Variants in RSBN1L observed in about 807,000 individuals in gnomAD.
The protein encoded by RSBN1L is round spermatid basic protein 1 like, also known as lysine-specific demethylase RSBN1L.
A neutral mutation model predicts 67.7 loss-of-function variants in RSBN1L; 30 were observed. The ratio of observed to expected loss-of-function variants is 0.44; its 90% CI spans 0.33 to 0.60. RSBN1L has a LOEUF of 0.60. Among genes scored for constraint, RSBN1L ranks in the 20% least tolerant of loss-of-function variants. The pLI, the probability that RSBN1L is intolerant of heterozygous loss-of-function variation, is 0.02. For missense variants in RSBN1L, 992 were observed against 1,031.7 expected, an observed-to-expected ratio of 0.96 and a Z score of 0.53; for synonymous variants, 433 against 387.0, an observed-to-expected ratio of 1.12 and a Z score of -1.39.
chr7:77,735,572 A>G (rs900504001), intron 1 of RSBN1L, among the ~76,000 whole-genome samples: 2 of 152,188 alleles, frequency 1.3e-5, no homozygotes, highest in African/African-American at 4.8e-5. Flanking sequence ...ATTATGCAGT[A>G]TGCATGTATA....
chr7:77,744,481 C>CT (rs985267642), intron 2 of RSBN1L, among the ~76,000 whole-genome samples: 5 of 151,606 alleles, frequency 3.3e-5, no homozygotes, highest in African/African-American at 4.8e-5. Flanking sequence ...TAGAGATAGA[C>CT]TTTTTTTTTG....
At chr7:77,757,280 C>T (rs11560365) in intron 3 of RSBN1L, among the ~76,000 whole-genome samples, 7,414 of 152,200 alleles carry the variant, frequency 0.049, 266 homozygotes, top group South Asian at 0.16. Flanking sequence ...CTTTTGTCTT[C>T]GGTTTTGGAA....
At chr7:77,752,717 G>GAAC (rs1791569969) in intron 3 of RSBN1L, among the ~76,000 whole-genome samples, 1 of 152,064 alleles carries the variant, frequency 6.6e-6, no homozygotes, top group Non-Finnish European at 1.5e-5. Flanking sequence ...TCTTCACAGG[G>GAAC]AACACACCCA....
intron 1 of RSBN1L, among the ~76,000 whole-genome samples, chr7:77,729,174 G>C (rs1791244134): frequency 6.6e-6 from 1 of 151,988 alleles, no homozygotes; most frequent in Admixed American, 6.6e-5. Context: ...TTTTATGTGT[G>C]GAATTCTTTT....
chr7:77,704,407 C>CT (rs1790861413), intron 1 of RSBN1L, among the ~76,000 whole-genome samples: 1 of 152,074 alleles, frequency 6.6e-6, no homozygotes, highest in African/African-American at 2.4e-5. Flanking sequence ...ATACATTAAA[C>CT]TTTATGTTGT....
chr7:77,779,248 GA>G lies in RSBN1L; in HGVS notation c.*81del. On this transcript the variant is annotated 3_prime_UTR_variant, in exon 8 of 8. Transcript: ENST00000334955. ...TCATGAATTCTGAAAGCAAGCCAAG[GA>G]CTTGCTCCTATGTCTGTTACAAAAC... The G allele has an allele frequency of 2.0e-5, 20 of 983,248 alleles. No homozygotes were observed. The highest frequency in any genetic ancestry group is 3.0e-5 in the Non-Finnish European group (20 of 670,594). 60.9% of individuals were successfully genotyped at this position (983,248 alleles called of 1,614,324 possible).
intron 4 of RSBN1L, among the ~76,000 whole-genome samples, chr7:77,767,076 C>T (rs1791777708): frequency 7.8e-6 from 1 of 127,624 alleles, no homozygotes; most frequent in Non-Finnish European, 1.6e-5. Context: ...CCCTTCCCTT[C>T]CCCTTCCCCT....
At chr7:77,717,021 C>T (rs575055951) in intron 1 of RSBN1L, among the ~76,000 whole-genome samples, 12 of 150,634 alleles carry the variant, frequency 8.0e-5, no homozygotes, top group East Asian at 2.0e-4. Flanking sequence ...AGTGCAGTGG[C>T]GTAATCATAG....
At chr7:77,733,270 G>T (rs1791293758) in intron 1 of RSBN1L, among the ~76,000 whole-genome samples, 1 of 152,212 alleles carries the variant, frequency 6.6e-6, no homozygotes, top group Admixed American at 6.5e-5. Context: ...GTTAAGGACA[G>T]AAGTGATGTC....
At chr7:77,706,914 A>G (rs114294014) in intron 1 of RSBN1L, among the ~76,000 whole-genome samples, 25 of 152,276 alleles carry the variant, frequency 1.6e-4, no homozygotes, top group African/African-American at 6.0e-4. Flanking sequence ...TAGCAAATAT[A>G]TATTAATGAT....
rs368604072 is a variant in RSBN1L, at chr7:77,750,037, A to G, written c.1317A>G (p.Thr439=). 6.2e-7 allele frequency: 1 copy of G among 1,604,930 alleles called. No individual in the cohort carries two copies. The highest frequency in any genetic ancestry group is 8.5e-7 in the Non-Finnish European group (1 of 1,176,778). ...TATTGGGAAAGAAAGATATAGAGAC[A>G]ACGACTATGTCCAATTTTCATGCTC... ...MEILGKKDIE[T]TTMSNFHAQV... is the part of the protein sequence containing the mutation. Residue 439 remains threonine (T), a synonymous_variant, in exon 3 of 8, where the codon ACA becomes ACG. Coordinates refer to ENST00000334955, the MANE Select transcript of RSBN1L (RefSeq NM_198467.3).
intron 1 of RSBN1L, among the ~76,000 whole-genome samples, chr7:77,726,429 A>T (rs1209880756): frequency 6.6e-6 from 1 of 152,098 alleles, no homozygotes; most frequent in African/African-American, 2.4e-5. Flanking sequence ...ACGTCTCCCA[A>T]CTGGGATTTG....
At chr7:77,755,864 G>C (rs1472933367) in intron 3 of RSBN1L, among the ~76,000 whole-genome samples, 4 of 152,120 alleles carry the variant, frequency 2.6e-5, no homozygotes, top group Non-Finnish European at 5.9e-5. Flanking sequence ...AGTTCACTAG[G>C]TTCAGTTCAG....
intron 1 of RSBN1L, among the ~76,000 whole-genome samples, chr7:77,700,974 C>T (rs1199409709): frequency 7.9e-5 from 12 of 151,970 alleles, no homozygotes; most frequent in Admixed American, 7.2e-4. Context: ...CTGGGCAACA[C>T]GGTGAAACCC....
chr7:77,764,483 C>T (rs1202166275), intron 3 of RSBN1L, among the ~76,000 whole-genome samples: 2 of 152,234 alleles, frequency 1.3e-5, no homozygotes, highest in East Asian at 3.9e-4. Flanking sequence ...ATATCATTAT[C>T]AAATTTTCTT....
At chr7:77,697,119 A>C in intron 1 of RSBN1L, 64 bp downstream of exon 1, 2 of 1,299,414 alleles carry the variant, frequency 1.5e-6, no homozygotes, top group Middle Eastern at 2.9e-4. Flanking sequence ...CCTGGCGCCC[A>C]CGGGGCCCGG....
In RSBN1L at chr7:77,782,042, G is replaced by A. The variant is rs1379788681; in HGVS notation, c.*2874G>A. ...TAAATCAGTGGGCTCAAGATTTGCA[G>A]GTACAGCCTTGTTAATGCCTTCAAT... On this transcript the variant is annotated 3_prime_UTR_variant, in exon 8 of 8. Coordinates refer to ENST00000334955, the MANE Select transcript of RSBN1L (RefSeq NM_198467.3). 1 of 151,012 alleles carries A rather than the reference G, an allele frequency of 6.6e-6. No homozygotes were observed. Among genetic ancestry groups the A allele is most frequent in the Non-Finnish European group, 1.5e-5 (1 of 67,924 alleles). 9.4% of individuals were successfully genotyped at this position (151,012 alleles called of 1,614,324 possible). A position where few individuals can be genotyped will look rare whatever the true frequency, so the allele number is the denominator to read the frequency against.
At chr7:77,727,630 T>A (rs1791224098) in intron 1 of RSBN1L, among the ~76,000 whole-genome samples, 1 of 151,926 alleles carries the variant, frequency 6.6e-6, no homozygotes, top group Non-Finnish European at 1.5e-5. Flanking sequence ...AACAAATTTT[T>A]TTTTTTTTTT....
At chr7:77,772,383 ACTC>A (rs1238388484) in intron 5 of RSBN1L, among the ~76,000 whole-genome samples, 1 of 152,040 alleles carries the variant, frequency 6.6e-6, no homozygotes, top group Non-Finnish European at 1.5e-5. Flanking sequence ...TAAAATGATG[ACTC>A]TCTGCCAAAG....
Sources: allele counts gnomAD v4.1 joint callset (sites outside exome capture counted in the v4.1 genomes callset), GRCh38; gene constraint gnomAD v4.1.1; transcripts MANE v1.5; gene names NCBI Gene and HGNC (gene_info 2026-07-23, HGNC 2026-07-21).